PCDHA3: variants seen among roughly 807,000 people sequenced by gnomAD.
PCDHA3 encodes the protein protocadherin alpha 3.
PCDHA3 carries 41 observed loss-of-function variants against 62.2 expected under a neutral mutation model. The ratio of observed to expected loss-of-function variants is 0.66; its 90% confidence interval spans 0.51 to 0.86. The LOEUF is 0.86. PCDHA3 is among the 40% of genes least tolerant of loss of function. The pLI, the probability that PCDHA3 is intolerant of heterozygous loss-of-function variation, is 0.00. For synonymous variants in PCDHA3, 640 were observed against 555.4 expected (o/e 1.15, Z -2.14); for missense variants, 1,304 against 1,241.2 (o/e 1.05, Z -0.76).
At position 140,924,716 on chromosome 5, in the gene PCDHA3, G is replaced by A. The variant is rs534222527; in HGVS notation, c.2395-54233G>A. On this transcript the variant is annotated intron_variant, in intron 1 of 3. Coordinates refer to ENST00000522353, the MANE Select transcript of PCDHA3 (RefSeq NM_018906.3). The stretch of plus-strand genomic sequence containing the variant: ...TCGAGACCAGCTTGTGCAACATGGC[G>A]AAACCTCACCTCTAATAAAAATACA... Among the ~76,000 whole-genome samples, 5 of 151,980 alleles carry A rather than the reference G, an allele frequency of 3.3e-5. No homozygotes were observed. The South Asian group carries it at 1.0e-3, about 32-fold the overall frequency.
rs2055991111 is a variant in PCDHA3 at position 140,875,957 on chromosome 5, T to C, written c.2394+72366T>C. 1.1e-5 allele frequency: 17 copies of C among 1,614,050 alleles called. No individual in the cohort carries two copies. The highest frequency in any genetic ancestry group is 1.4e-5 in the Non-Finnish European group (16 of 1,180,000). ...CTAGAGGGCGCTTCTGATGCGGATA[T>C]CGGCGTAAACTCTCTTTTGACCTAT... On this transcript the variant is annotated intron_variant, in intron 1 of 3. Coordinates refer to ENST00000522353, the MANE Select transcript of PCDHA3 (RefSeq NM_018906.3).
intron 1 of PCDHA3, chr5:140,928,535 G>A (rs1554205968): frequency 2.5e-6 from 4 of 1,614,224 alleles, no homozygotes; most frequent in East Asian, 2.2e-5. Context: ...GTGGTAGATA[G>A]GAATGACAAT....
Position 140,853,516 on chromosome 5 carries a change from C to T in PCDHA3, c.2394+49925C>T, listed in dbSNP as rs546400632. On this transcript the variant is annotated intron_variant, in intron 1 of 3. Coordinates refer to ENST00000522353, the MANE Select transcript of PCDHA3 (RefSeq NM_018906.3). The stretch of plus-strand genomic sequence containing the variant: ...TTAGAATCATGAAACAATAATGAAG[C>T]TCCTCCTATGTCTCTTTTCAAGTTG... 3.7e-4 allele frequency: 362 copies of T among 976,264 alleles called. 18 individuals are homozygous for T. In the South Asian group the frequency reaches 0.015, roughly 41 times the overall value. The allele number at this position is 976,264 out of a possible 1,614,324, so 60.5% of individuals were successfully genotyped here.
Position 140,941,322 on chromosome 5 carries a change from T to C in PCDHA3, c.2395-37627T>C, listed in dbSNP as rs1340835610. Among the ~76,000 whole-genome samples the C allele has an allele frequency of 3.4e-5, 5 of 145,550 alleles. No individual in the cohort carries two copies. The East Asian group carries it at 6.0e-4, about 17-fold the overall frequency. The stretch of plus-strand genomic sequence containing the variant: ...TTTCTTTCTTTTTCTTCTTTCTCTT[T>C]TTTTTTTTTTTTCAGATGGAGTCTT... On this transcript the variant is annotated intron_variant, in intron 1 of 3. Coordinates refer to ENST00000522353, the MANE Select transcript of PCDHA3 (RefSeq NM_018906.3).
chr5:140,906,303 A>G (rs1195275228), intron 1 of PCDHA3, among the ~76,000 whole-genome samples: 5 of 152,220 alleles, frequency 3.3e-5, no homozygotes, highest in Non-Finnish European at 7.3e-5. Flanking sequence ...ATAAGGTCAT[A>G]ATTATTCCCA....
chr5:140,876,190 C>A (rs782463342), intron 1 of PCDHA3: 1 of 1,613,936 alleles, frequency 6.2e-7, no homozygotes, highest in Non-Finnish European at 8.5e-7. Context: ...TGACAATGGT[C>A]CGGCGTTTGA....
intron 1 of PCDHA3, chr5:140,858,158 G>C: frequency 6.3e-7 from 1 of 1,597,732 alleles, no homozygotes; most frequent in Non-Finnish European, 8.6e-7. Flanking sequence ...CGCCATCTGC[G>C]CGGTGTCCAG....
At position 140,808,562 on chromosome 5, in the gene PCDHA3, G is replaced by A; in HGVS notation, c.2394+4971G>A. The A allele has an allele frequency of 1.9e-6, 3 of 1,614,108 alleles. No homozygotes were observed. The highest frequency in any genetic ancestry group is 1.1e-5 in the South Asian group (1 of 91,086). The stretch of plus-strand genomic sequence containing the variant: ...CAACGCTCCGGCGTTCGCGCAGCCC[G>A]AGTACACAGTGTTCGTGAAGGAGAA... On this transcript the variant is annotated intron_variant, in intron 1 of 3. Transcript: ENST00000522353.
rs2150126152 is a variant in PCDHA3, at chr5:140,823,473, G to A, written c.2394+19882G>A. ...ACGACAACGCGCCGGCGCTGCTGGT[G>A]CCTCGAGTGGGTGGCACCGGCGGCG... On this transcript the variant is annotated intron_variant, in intron 1 of 3. Coordinates refer to ENST00000522353, the MANE Select transcript of PCDHA3 (RefSeq NM_018906.3). 4 of 1,613,492 alleles carry A rather than the reference G, an allele frequency of 2.5e-6. No homozygotes were observed. In the South Asian group the frequency reaches 3.3e-5, roughly 13 times the overall value.
At chr5:140,891,409 C>T (rs1295005747) in intron 1 of PCDHA3, among the ~76,000 whole-genome samples, 1 of 148,202 alleles carries the variant, frequency 6.7e-6, no homozygotes, top group Non-Finnish European at 1.5e-5. Context: ...CGCCACCCCC[C>T]ACTCTTGCCC....
At chr5:140,807,966 T>C (rs782778842) in intron 1 of PCDHA3, 1 of 1,613,986 alleles carries the variant, frequency 6.2e-7, no homozygotes, top group South Asian at 1.1e-5. Flanking sequence ...AATGGAACAT[T>C]GGTAATTAAA....
intron 1 of PCDHA3, chr5:140,808,868 A>C: frequency 6.2e-7 from 1 of 1,613,184 alleles, no homozygotes; most frequent in Non-Finnish European, 8.5e-7. Flanking sequence ...CGAAAACGAC[A>C]ACGCGCCAGC....
chr5:140,802,535 C>A lies in PCDHA3; in HGVS notation c.1338C>A (p.Ala446=), dbSNP rs114741177. ...CGGCCAGCGTGTCCGTGGAGGTGGCCGACGTGAACGACAATGCGCCGGCAT... is the reference window on the plus strand; with the variant it reads ...CGGCCAGCGTGTCCGTGGAGGTGGCAGACGTGAACGACAATGCGCCGGCAT... ...WATASVSVEV[A]DVNDNAPAFS... is the part of the protein sequence containing the mutation. The change falls in exon 1 of 4, where the codon GCC becomes GCA. Residue 446 remains alanine, a synonymous_variant. Coordinates refer to ENST00000522353, the MANE Select transcript of PCDHA3 (RefSeq NM_018906.3). 1.2e-6 allele frequency: 2 copies of A among 1,614,142 alleles called. No homozygotes were observed. Among genetic ancestry groups the A allele is most frequent in the South Asian group, 2.2e-5 (2 of 91,066 alleles).
At chr5:140,825,303 C>T (rs1296903954) in intron 1 of PCDHA3, 1 of 148,852 alleles carries the variant, frequency 6.7e-6, no homozygotes, top group Non-Finnish European at 1.5e-5. Context: ...TTTAGTGGAA[C>T]AATGATTTAA....
At chr5:140,839,084 T>G (rs2150294627) in intron 1 of PCDHA3, among the ~76,000 whole-genome samples, 9 of 152,164 alleles carry the variant, frequency 5.9e-5, no homozygotes, top group South Asian at 2.1e-4. Context: ...AAAACCTGTC[T>G]GATAATCAAT....
intron 1 of PCDHA3, among the ~76,000 whole-genome samples, chr5:140,885,242 A>G (rs1481024816): frequency 6.6e-6 from 1 of 152,038 alleles, no homozygotes; most frequent in Non-Finnish European, 1.5e-5. Context: ...TCAATTTTTT[A>G]TTTGCATTCA....
At chr5:140,870,339 G>C in intron 1 of PCDHA3, 1 of 1,614,182 alleles carries the variant, frequency 6.2e-7, no homozygotes, top group Non-Finnish European at 8.5e-7. Flanking sequence ...ACAGCGCCCT[G>C]GACCGCGAGA....
chr5:140,882,868 G>A (rs1283664390), intron 1 of PCDHA3: 25 of 1,614,184 alleles, frequency 1.5e-5, no homozygotes, highest in Middle Eastern at 1.6e-4. Context: ...GGAAAACACT[G>A]GACAGAGAGG....
intron 1 of PCDHA3, among the ~76,000 whole-genome samples, chr5:140,948,999 ATT>A (rs782571922): frequency 1.3e-5 from 2 of 151,708 alleles, no homozygotes; most frequent in Non-Finnish European, 3.0e-5. Flanking sequence ...CATTTTACTA[ATT>A]TTTATATGTG....
Sources: allele counts gnomAD v4.1 joint callset (sites outside exome capture counted in the v4.1 genomes callset), GRCh38; gene constraint gnomAD v4.1.1; transcripts MANE v1.5; gene names NCBI Gene and HGNC (gene_info 2026-07-23, HGNC 2026-07-21).